Variants in CDK18 observed in about 807,000 individuals in gnomAD.
CDK18 encodes the protein cyclin-dependent kinase 18.
A neutral mutation model predicts 62.0 loss-of-function variants in CDK18; 52 were observed. The ratio of observed to expected loss-of-function variants is 0.84; its 90% CI spans 0.67 to 1.06. The LOEUF is 1.06. Ranked by LOEUF, CDK18 falls within the 50% of genes least tolerant of loss-of-function variation. The pLI, the probability that CDK18 is intolerant of heterozygous loss-of-function variation, is 0.00. For synonymous variants in CDK18, 237 were observed against 247.0 expected (o/e 0.96, Z 0.38); for missense variants, 604 against 619.9 (o/e 0.97, Z 0.27).
At chr1:205,523,406 C>A in intron 2 of CDK18, 77 bp from the exon 3 acceptor site, 1 of 1,597,822 alleles carries the variant, frequency 6.3e-7, no homozygotes, top group Non-Finnish European at 8.6e-7. Context: ...AGGAGCACAG[C>A]GCTGGGGGAG....
chr1:205,524,142 C>T (rs1051740756), intron 3 of CDK18, 90 bp from the exon 4 acceptor site: 11 of 1,469,802 alleles, frequency 7.5e-6, no homozygotes, highest in African/African-American at 6.9e-5. Context: ...CTGCAGGGAA[C>T]GCTAGGTCCA....
chr1:205,519,228 A>C (rs1329562352), intron 1 of CDK18, among the ~76,000 whole-genome samples: 1 of 152,114 alleles, frequency 6.6e-6, no homozygotes, highest in Non-Finnish European at 1.5e-5. Context: ...CTCGACCCCC[A>C]AATCTGAGGA....
chr1:205,514,395 G>T (rs1667718744), intron 1 of CDK18, among the ~76,000 whole-genome samples: 1 of 152,114 alleles, frequency 6.6e-6, no homozygotes, highest in Non-Finnish European at 1.5e-5. Context: ...CTGGGGCTGG[G>T]TGACTGGACA....
rs1274050356 is a variant in CDK18, at chr1:205,516,814, C to A, written c.-21-6333C>A. The A allele has an allele frequency of 6.6e-6, 1 of 152,284 alleles. No individual in the cohort carries two copies. Among genetic ancestry groups the A allele is most frequent in the Non-Finnish European group, 1.5e-5 (1 of 68,144 alleles). 9.4% of individuals were successfully genotyped at this position (152,284 alleles called of 1,614,324 possible). On this transcript the variant is annotated intron_variant, in intron 1 of 15. Coordinates refer to ENST00000429964, the MANE Select transcript of CDK18 (RefSeq NM_212502.3). The surrounding 1 kb of genome is among the most constrained non-coding windows in gnomAD (Gnocchi z 4.8). ...ATCTTGAAGGGCCTTTGGGTGCAGG[C>A]TGGGGAATCGGGGCTTTGTTCAAGA... is the stretch of plus-strand genomic sequence containing the variant.
At chr1:205,504,905 A>C (rs1667232106) in intron 1 of CDK18, 109 bp downstream of exon 1, 1 of 152,102 alleles carries the variant, frequency 6.6e-6, no homozygotes, top group Non-Finnish European at 1.5e-5. Flanking sequence ...TTAAAGGCGC[A>C]GTTTTGCTTT....
chr1:205,518,483 C>T (rs1172289430), intron 1 of CDK18, among the ~76,000 whole-genome samples: 3 of 152,112 alleles, frequency 2.0e-5, no homozygotes, highest in Non-Finnish European at 2.9e-5. Flanking sequence ...TTGTTTGGCA[C>T]GCAGTTCAGA....
chr1:205,507,384 C>A (rs1246626070), intron 1 of CDK18, among the ~76,000 whole-genome samples: 2 of 151,666 alleles, frequency 1.3e-5, no homozygotes, highest in Non-Finnish European at 2.9e-5. Context: ...GTAATCCCAG[C>A]ACTTTGGGAG....
chr1:205,520,229 C>G (rs1359306225), intron 1 of CDK18, among the ~76,000 whole-genome samples: 1 of 152,218 alleles, frequency 6.6e-6, no homozygotes, highest in Non-Finnish European at 1.5e-5. Flanking sequence ...TGTCCCTGAC[C>G]TGGACCTTAG....
At chr1:205,509,795 T>A (rs1481529091) in intron 1 of CDK18, among the ~76,000 whole-genome samples, 2 of 152,150 alleles carry the variant, frequency 1.3e-5, no homozygotes, top group East Asian at 1.9e-4. Flanking sequence ...TTAAAATGTT[T>A]CTGGCCAGGC....
At chr1:205,518,954 C>G (rs1363406312) in intron 1 of CDK18, among the ~76,000 whole-genome samples, 1 of 152,190 alleles carries the variant, frequency 6.6e-6, no homozygotes, top group Non-Finnish European at 1.5e-5. Flanking sequence ...GCCCACCCTG[C>G]AGCTCCTCAG....
At chr1:205,518,032 C>A (rs1667912563) in intron 1 of CDK18, among the ~76,000 whole-genome samples, 1 of 152,176 alleles carries the variant, frequency 6.6e-6, no homozygotes. Context: ...TTTGCCCCTG[C>A]TGTTCCCTTG....
intron 1 of CDK18, among the ~76,000 whole-genome samples, chr1:205,509,714 A>T (rs1358567760): frequency 6.6e-6 from 1 of 151,954 alleles, no homozygotes; most frequent in Non-Finnish European, 1.5e-5. Context: ...CCCACTTGAT[A>T]TTTTTTTCTG....
intron 5 of CDK18, among the ~76,000 whole-genome samples, 169 bp downstream of exon 5, chr1:205,525,364 G>T (rs1218324565): frequency 6.6e-6 from 1 of 152,226 alleles, no homozygotes; most frequent in African/African-American, 2.4e-5. Context: ...CCAGGCTTTG[G>T]CAGGGATTGA....
At position 205,528,261 on chromosome 1, in the gene CDK18, C is replaced by G; in HGVS notation, c.974+93C>G. ...CTTCCCCAAGGGCCTCGGGGAAGAA[C>G]TGCCTAACTTCCTTTGCCTAAAAGC... On this transcript the variant is annotated intron_variant, in intron 10 of 15. Transcript: ENST00000429964. This position sits in a 1 kb window ranked among gnomAD's most constrained non-coding sequence, Gnocchi z 4.2. 1 of 1,456,252 alleles carries G rather than the reference C, an allele frequency of 6.9e-7. No individual in the cohort carries two copies. The highest frequency in any genetic ancestry group is 9.4e-7 in the Non-Finnish European group (1 of 1,064,122). The allele number at this position is 1,456,252 out of a possible 1,614,324, so 90.2% of individuals were successfully genotyped here.
Position 205,527,262 on chromosome 1 carries a change from T to G in CDK18, c.729+425T>G. ...GGGAGGCCAAGGCAGGAAGATGGCT[T>G]GAGCCCAGGAGTTTGAGACCAGCCT... On this transcript the variant is annotated intron_variant, in intron 8 of 15. Coordinates refer to ENST00000429964, the MANE Select transcript of CDK18 (RefSeq NM_212502.3). This position sits in a 1 kb window ranked among gnomAD's most constrained non-coding sequence, Gnocchi z 4.1. 1 of 220,558 alleles carries G rather than the reference T, an allele frequency of 4.5e-6. No individual in the cohort carries two copies. The highest frequency in any genetic ancestry group is 9.0e-6 in the Non-Finnish European group (1 of 111,164). The allele number at this position is 220,558 out of a possible 1,614,324, so 13.7% of individuals were successfully genotyped here. A position where few individuals can be genotyped will look rare whatever the true frequency, so the allele number is the denominator to read the frequency against.
chr1:205,505,533 CG>C (rs548195238), intron 1 of CDK18, among the ~76,000 whole-genome samples: 2 of 151,996 alleles, frequency 1.3e-5, no homozygotes, highest in Admixed American at 1.3e-4. Context: ...TGGGTGGGGC[CG>C]GGGGGAGTGG....
chr1:205,512,233 C>T (rs996151254), intron 1 of CDK18, among the ~76,000 whole-genome samples: 1 of 152,132 alleles, frequency 6.6e-6, no homozygotes, highest in African/African-American at 2.4e-5. Context: ...ACCCAGGAAG[C>T]ATGCCCAGAG....
Position 205,529,074 on chromosome 1 carries a change from G to A in CDK18, c.1050G>A (p.Leu350=), listed in dbSNP as rs975019348. 1.3e-6 allele frequency: 2 copies of A among 1,589,650 alleles called. No individual in the cohort carries two copies. Among genetic ancestry groups the A allele is most frequent in the African/African-American group, 1.3e-5 (1 of 74,748 alleles). ...LFPGSTVKEE[L]HLIFRLLGTP... The stretch of plus-strand genomic sequence containing the variant: ...CGGGCTCCACAGTCAAGGAGGAGCT[G>A]CACCTCATCTTTCGCCTCCTCGGTC... Residue 350 remains leucine (L), a synonymous_variant, in exon 11 of 16, where the codon CTG becomes CTA. Transcript: ENST00000429964.
At chr1:205,529,455 C>G in intron 12 of CDK18, 26 bp downstream of exon 12, 1 of 1,610,040 alleles carries the variant, frequency 6.2e-7, no homozygotes, top group Non-Finnish European at 8.5e-7. Context: ...GCCGCCCCTC[C>G]TGCTGCGGCC....
Sources: gnomAD v4.1 joint callset for allele counts (sites outside exome capture counted in the v4.1 genomes callset) on GRCh38, gnomAD v4.1.1 for gene constraint, Gnocchi (gnomAD v3.1) non-coding constraint, MANE v1.5 for transcripts, NCBI Gene and HGNC (gene_info 2026-07-23, HGNC 2026-07-21) for gene names.